The following KCTD2 variants were observed in gnomAD, a reference collection of about 807,000 sequenced individuals.
KCTD2 encodes the protein BTB/POZ domain-containing protein KCTD2.
KCTD2 carries 18 observed loss-of-function variants against 27.9 expected under a neutral mutation model. The observed-to-expected ratio is 0.64, with a 90% confidence interval of 0.45 to 0.96. KCTD2 has a LOEUF of 0.96. Among genes scored for constraint, KCTD2 ranks in the 40% least tolerant of loss-of-function variants. The pLI, the probability that KCTD2 is intolerant of heterozygous loss-of-function variation, is 0.00. For missense variants in KCTD2, 280 were observed against 348.0 expected (o/e 0.80, Z 1.56); for synonymous variants, 175 against 148.4 (o/e 1.18, Z -1.30).
chr17:75,042,259 C>T, upstream of KCTD2: 1 of 1,614,124 alleles, frequency 6.2e-7, no homozygotes, highest in Non-Finnish European at 8.5e-7. Context: ...CTGGTGGATT[C>T]TCAGGTAAAG....
chr17:75,038,901 C>T (rs1037935558), intron 3 of KCTD2: 4 of 1,599,662 alleles, frequency 2.5e-6, no homozygotes, highest in Non-Finnish European at 2.6e-6. Flanking sequence ...ATGTGTAATA[C>T]AAGGGCCAGA....
At chr17:75,053,459 G>C (rs1015811386) in intron 3 of KCTD2, among the ~76,000 whole-genome samples, 6 of 150,718 alleles carry the variant, frequency 4.0e-5, no homozygotes, top group African/African-American at 1.2e-4. Context: ...TTTTTTTTAT[G>C]AGATGGAGTC....
intron 4 of KCTD2, among the ~76,000 whole-genome samples, chr17:75,060,070 G>A (rs12938569): frequency 0.016 from 2,510 of 152,134 alleles, 35 homozygotes; most frequent in Non-Finnish European, 0.027. Flanking sequence ...AGTGTGGTGC[G>A]GCCGTTTCCC....
At chr17:75,047,698 G>A in intron 1 of KCTD2, 109 bp downstream of exon 1, 2 of 1,137,264 alleles carry the variant, frequency 1.8e-6, no homozygotes, top group East Asian at 3.1e-5. Flanking sequence ...CCCTCAGGCC[G>A]GGACCCCATC....
chr17:75,034,492 G>A (rs917095373), intron 2 of KCTD2, among the ~76,000 whole-genome samples: 1 of 152,168 alleles, frequency 6.6e-6, no homozygotes, highest in African/African-American at 2.4e-5. Flanking sequence ...TTATCCATTA[G>A]GCCACTGGGG....
chr17:75,049,027 AC>A, intron 1 of KCTD2, 192 bp from the exon 2 acceptor site: 1 of 498,312 alleles, frequency 2.0e-6, no homozygotes, highest in South Asian at 3.5e-5. Flanking sequence ...TGTACAAGAT[AC>A]ATAAAGCTAT....
At position 75,063,741 on chromosome 17, in the gene KCTD2, G is replaced by A. The variant is rs4076115; in HGVS notation, c.*694G>A. The A allele has an allele frequency of 0.084, 12,797 of 152,542 alleles. 853 individuals carry two copies. The highest frequency in any genetic ancestry group is 0.19 in the African/African-American group (7,703 of 41,464). 9.4% of individuals were successfully genotyped at this position (152,542 alleles called of 1,614,324 possible). A position where few individuals can be genotyped will look rare whatever the true frequency, so the allele number is the denominator to read the frequency against. On this transcript the variant is annotated 3_prime_UTR_variant, in exon 6 of 6. Transcript: ENST00000322444. ...TTTGCCTCACCTTTCTCCAGCAGCC[G>A]GGACCCTCTGGAGAGCTTGTTTTCC...
chr17:75,038,883 T>G (rs2073128298), intron 3 of KCTD2: 1 of 1,562,824 alleles, frequency 6.4e-7, no homozygotes, highest in South Asian at 1.2e-5. Context: ...TTATTTTTAA[T>G]GTCCAGAATG....
upstream of KCTD2, among the ~76,000 whole-genome samples, chr17:75,046,557 GC>G (rs1296814416): frequency 6.6e-6 from 1 of 152,248 alleles, no homozygotes; most frequent in East Asian, 1.9e-4. Context: ...GAAGGGCGCA[GC>G]CCCGCAGCCA....
upstream of KCTD2, chr17:75,047,103 C>T (rs534668825): frequency 1.0e-4 from 28 of 276,118 alleles, no homozygotes; most frequent in Admixed American, 1.6e-4. Flanking sequence ...GCGCCTCCCC[C>T]GCGCGGGTCC....
At chr17:75,059,947 A>C (rs536725869) in intron 4 of KCTD2, among the ~76,000 whole-genome samples, 91 of 152,258 alleles carry the variant, frequency 6.0e-4, no homozygotes, top group African/African-American at 2.2e-3. Context: ...TTCGACAACA[A>C]TCCTTCCATT....
upstream of KCTD2, among the ~76,000 whole-genome samples, chr17:75,046,094 T>A (rs948203268): frequency 7.2e-5 from 11 of 152,204 alleles, no homozygotes; most frequent in Non-Finnish European, 1.0e-4. Context: ...TGTGTGTGTG[T>A]GTGAGTGAGA....
chr17:75,051,624 C>CT (rs1169715576), intron 2 of KCTD2, among the ~76,000 whole-genome samples: 1 of 151,226 alleles, frequency 6.6e-6, no homozygotes, highest in Non-Finnish European at 1.5e-5. Context: ...CCTTCATTCT[C>CT]TATTTCCCCC....
chr17:75,042,959 C>G (rs1293715770), upstream of KCTD2, among the ~76,000 whole-genome samples: 1 of 152,018 alleles, frequency 6.6e-6, no homozygotes, highest in African/African-American at 2.4e-5. Flanking sequence ...AGTGGGCTCA[C>G]GCCTGTAATC....
chr17:75,040,341 G>A (rs1274831763), intron 3 of KCTD2: 2 of 667,918 alleles, frequency 3.0e-6, no homozygotes, highest in South Asian at 1.8e-5. Flanking sequence ...TACTGGAGTA[G>A]AAAGAATATT....
At chr17:75,060,720 T>A in intron 4 of KCTD2, 1 of 867,184 alleles carries the variant, frequency 1.2e-6, no homozygotes, top group Non-Finnish European at 1.7e-6. Flanking sequence ...CTCGCCACCC[T>A]GGGATCAACC....
At chr17:75,052,764 T>C (rs1272822786) in intron 2 of KCTD2, among the ~76,000 whole-genome samples, 23 of 151,930 alleles carry the variant, frequency 1.5e-4, no homozygotes, top group Non-Finnish European at 8.8e-5. Flanking sequence ...TGTGGTGGTA[T>C]GTGCCTGTAG....
intron 3 of KCTD2, among the ~76,000 whole-genome samples, chr17:75,056,233 G>C (rs2073348908): frequency 6.6e-6 from 1 of 152,148 alleles, no homozygotes; most frequent in Non-Finnish European, 1.5e-5. Context: ...TAGTTGGTTT[G>C]CAGATTACCA....
intron 4 of KCTD2, among the ~76,000 whole-genome samples, chr17:75,059,945 C>T (rs1336244178): frequency 6.6e-6 from 1 of 152,172 alleles, no homozygotes. Context: ...GATTCGACAA[C>T]AATCCTTCCA....
Sources: gnomAD v4.1 joint callset for allele counts (sites outside exome capture counted in the v4.1 genomes callset) on GRCh38, gnomAD v4.1.1 for gene constraint, MANE v1.5 for transcripts, NCBI Gene and HGNC (gene_info 2026-07-23, HGNC 2026-07-21) for gene names.